The following MAST2 variants were observed in gnomAD, a reference collection of about 807,000 sequenced individuals.
MAST2 encodes microtubule-associated serine/threonine-protein kinase 2.
Under a neutral mutation model 147.4 loss-of-function variants are expected in MAST2, and 70 were observed. The ratio of observed to expected loss-of-function variants is 0.47; its 90% CI spans 0.39 to 0.58. The LOEUF is 0.58. Among genes scored for constraint, MAST2 ranks in the 20% least tolerant of loss-of-function variants. The pLI, the probability that MAST2 is intolerant of heterozygous loss-of-function variation, is 0.00. For synonymous variants in MAST2, 869 were observed against 896.8 expected, an observed-to-expected ratio of 0.97 and a Z score of 0.55; for missense variants, 2,080 against 2,302.3, an observed-to-expected ratio of 0.90 and a Z score of 1.98.
rs1646702889 is a variant in MAST2 at position 46,032,303 on chromosome 1, A to G, written c.3313A>G (p.Ile1105Val). ...LPALGSMRPP[I>V]IIHRAGKKYG... ...AGCCCTTGGCAGCATGAGGCCTCCC[A>G]TCATCATCCACCGAGCTGGCAAGAA... Residue 1105 changes from isoleucine (I) to valine (V), a missense_variant, in exon 25 of 29, where the codon ATC (isoleucine) becomes GTC (valine). This residue lies in a region of MAST2 where 1,278 missense variants were observed against 1,304.2 expected (regional missense o/e 0.98). Transcript: ENST00000361297. 1.9e-6 allele frequency: 3 copies of G among 1,614,200 alleles called. No individual in the cohort carries two copies. Among genetic ancestry groups the G allele is most frequent in the Non-Finnish European group, 2.5e-6 (3 of 1,180,034 alleles).
intron 5 of MAST2, among the ~76,000 whole-genome samples, chr1:45,964,262 T>A (rs1660848475): frequency 6.6e-6 from 1 of 152,222 alleles, no homozygotes; most frequent in Non-Finnish European, 1.5e-5. Flanking sequence ...CGTCTTTTTC[T>A]ATTGATTGGA....
At chr1:45,955,696 A>G (rs1410945912) in intron 4 of MAST2, among the ~76,000 whole-genome samples, 2 of 152,160 alleles carry the variant, frequency 1.3e-5, no homozygotes, top group Non-Finnish European at 2.9e-5. Context: ...AGGCCCTGAG[A>G]TGGGTGGCTC....
chr1:45,865,138 A>G, intron 3 of MAST2: 1 of 456,592 alleles, frequency 2.2e-6, no homozygotes. Flanking sequence ...AGAGGGTTAC[A>G]GGTGAGTAAA....
intron 5 of MAST2, among the ~76,000 whole-genome samples, chr1:45,967,040 T>C (rs1474871683): frequency 6.6e-6 from 1 of 151,770 alleles, no homozygotes. Context: ...GCACGATGGC[T>C]CACACTTGTA....
chr1:45,813,479 G>A (rs549221233), intron 1 of MAST2, among the ~76,000 whole-genome samples: 3 of 148,740 alleles, frequency 2.0e-5, no homozygotes, highest in East Asian at 2.0e-4. Context: ...ACAGGCAGCC[G>A]CCACCACGCC....
At chr1:45,811,495 C>A (rs570460986) in intron 1 of MAST2, among the ~76,000 whole-genome samples, 1 of 151,608 alleles carries the variant, frequency 6.6e-6, no homozygotes, top group Non-Finnish European at 1.5e-5. Context: ...CCCACCACCA[C>A]GCTCGGCTAA....
chr1:45,861,850 A>G (rs1321822847), intron 3 of MAST2, among the ~76,000 whole-genome samples: 3 of 152,020 alleles, frequency 2.0e-5, no homozygotes, highest in African/African-American at 7.3e-5. Flanking sequence ...CCACTCCTCC[A>G]CTCCTGAAAT....
intron 4 of MAST2, among the ~76,000 whole-genome samples, chr1:45,912,499 T>C (rs1477248136): frequency 6.6e-6 from 1 of 152,254 alleles, no homozygotes; most frequent in African/African-American, 2.4e-5. Flanking sequence ...CCTGACTTCC[T>C]AAATTGATAT....
At chr1:45,813,509 T>C (rs1644364460) in intron 1 of MAST2, among the ~76,000 whole-genome samples, 2 of 151,466 alleles carry the variant, frequency 1.3e-5, no homozygotes, top group African/African-American at 4.8e-5. Flanking sequence ...TTTTTTTTTT[T>C]TTTTTTGAGA....
Position 46,035,031 on chromosome 1 carries a change from C to G in MAST2, c.4362C>G (p.Ala1454=), listed in dbSNP as rs769938002. Reference sequence around the variant, plus strand: ...TGAGCCCTCTGGAGGTAGTTGGAGCCAGGAGTGTGCTGTCTGGCAAGGGGG... The same window carrying G: ...TGAGCCCTCTGGAGGTAGTTGGAGCGAGGAGTGTGCTGTCTGGCAAGGGGG... ...REVSPLEVVG[A]RSVLSGKGAL... Residue 1454 remains alanine, a synonymous_variant, in exon 29 of 29, where the codon GCC becomes GCG. Coordinates refer to ENST00000361297, the MANE Select transcript of MAST2 (RefSeq NM_015112.3). The surrounding 1 kb of genome is among the most constrained non-coding windows in gnomAD (Gnocchi z 5.5). The G allele has an allele frequency of 6.2e-7, 1 of 1,613,952 alleles. No individual in the cohort carries two copies. Among genetic ancestry groups the G allele is most frequent in the Non-Finnish European group, 8.5e-7 (1 of 1,180,026 alleles).
At chr1:45,847,915 A>G (rs1242892269) in intron 3 of MAST2, among the ~76,000 whole-genome samples, 3 of 152,206 alleles carry the variant, frequency 2.0e-5, no homozygotes, top group Non-Finnish European at 2.9e-5. Flanking sequence ...CTGAGCAAAG[A>G]TTGAAAAGCA....
intron 7 of MAST2, among the ~76,000 whole-genome samples, chr1:46,003,498 G>A (rs954033922): frequency 6.6e-6 from 1 of 151,456 alleles, no homozygotes; most frequent in Non-Finnish European, 1.5e-5. Context: ...TTGAAAGAGT[G>A]TCACTGTCAC....
At chr1:46,008,182 G>A in intron 8 of MAST2, 114 bp from the exon 9 acceptor site, 2 of 683,516 alleles carry the variant, frequency 2.9e-6, no homozygotes, top group South Asian at 1.7e-5. Flanking sequence ...CCGTTAAAGT[G>A]GGAGTATGTA....
intron 4 of MAST2, among the ~76,000 whole-genome samples, chr1:45,925,648 G>A (rs543136292): frequency 6.6e-6 from 1 of 152,282 alleles, no homozygotes; most frequent in African/African-American, 2.4e-5. Flanking sequence ...AATCAGTTTT[G>A]AATTGCCATA....
intron 3 of MAST2, among the ~76,000 whole-genome samples, chr1:45,857,918 C>T (rs980115210): frequency 2.1e-5 from 3 of 141,742 alleles, no homozygotes; most frequent in Admixed American, 7.4e-5. Flanking sequence ...CAGCTTCATC[C>T]ATGTCCCTAC....
chr1:45,994,783 A>G (rs1303963759), intron 5 of MAST2, among the ~76,000 whole-genome samples: 1 of 151,950 alleles, frequency 6.6e-6, no homozygotes, highest in Non-Finnish European at 1.5e-5. Flanking sequence ...ATTCTTTACT[A>G]CACAACAGCT....
chr1:45,947,878 G>A (rs757011192), intron 4 of MAST2, among the ~76,000 whole-genome samples: 24 of 152,028 alleles, frequency 1.6e-4, no homozygotes, highest in South Asian at 1.0e-3. Flanking sequence ...CACCACACCC[G>A]GCTAATTTTT....
At chr1:45,850,597 A>G (rs1645592080) in intron 3 of MAST2, among the ~76,000 whole-genome samples, 1 of 152,166 alleles carries the variant, frequency 6.6e-6, no homozygotes, top group Admixed American at 6.5e-5. Flanking sequence ...TCTTACATTT[A>G]AATCTTTAAT....
chr1:45,987,084 A>G (rs1644655085), intron 5 of MAST2, among the ~76,000 whole-genome samples: 1 of 152,186 alleles, frequency 6.6e-6, no homozygotes, highest in African/African-American at 2.4e-5. Flanking sequence ...TTACTGAGTG[A>G]GCTTTGGTAG....
Sources: allele counts gnomAD v4.1 joint callset (sites outside exome capture counted in the v4.1 genomes callset), GRCh38; gene constraint gnomAD v4.1.1; regional missense constraint gnomAD v4.1.1; non-coding constraint Gnocchi (gnomAD v3.1); transcripts MANE v1.5; gene names NCBI Gene and HGNC (gene_info 2026-07-23, HGNC 2026-07-21).